Variants in FRY observed in about 807,000 individuals in gnomAD.
FRY encodes FRY microtubule binding protein.
Under a neutral mutation model 348.4 loss-of-function variants are expected in FRY, and 128 were observed. That is an observed-to-expected ratio of 0.37 (90% confidence interval 0.32 to 0.43). The LOEUF is 0.43. FRY is among the 20% of genes least tolerant of loss of function. FRY has a pLI of 1.00. For synonymous variants in FRY, 1,370 were observed against 1,374.7 expected (o/e 1.00, Z 0.08); for missense variants, 2,736 against 3,695.2 (o/e 0.74, Z 6.73).
At chr13:32,097,319 TA>T (rs1876803058) in intron 2 of FRY, among the ~76,000 whole-genome samples, 1 of 151,756 alleles carries the variant, frequency 6.6e-6, no homozygotes, top group African/African-American at 2.4e-5. Context: ...CTAGTATGTA[TA>T]AAAGAAGTAT....
At chr13:32,219,925 G>A (rs903070339) in intron 36 of FRY, among the ~76,000 whole-genome samples, 2 of 152,154 alleles carry the variant, frequency 1.3e-5, no homozygotes, top group African/African-American at 4.8e-5. Flanking sequence ...ATTTCTTCTG[G>A]TAGTTGGGAA....
At position 32,175,587 on chromosome 13, in the gene FRY, T is replaced by A; in HGVS notation, c.2376T>A (p.Ser792Arg). Residue 792 changes from serine (S) to arginine (R), a missense_variant, in exon 20 of 61, where the codon AGT becomes AGA. By Grantham distance (110) the Ser-to-Arg change is moderately radical (BLOSUM62 -1). Coordinates refer to ENST00000542859, the MANE Select transcript of FRY (RefSeq NM_023037.3). The part of the protein sequence containing the change: ...RPMIDVMDQL[S>R]SSILESFIHV... ...TGATTGATGTCATGGATCAGCTAAG[T>A]TCTTCCATTCTAGAAAGTTTTATTC... 1 of 1,612,258 alleles carries A rather than the reference T, an allele frequency of 6.2e-7. No homozygotes were observed. Among genetic ancestry groups the A allele is most frequent in the Non-Finnish European group, 8.5e-7 (1 of 1,178,262 alleles).
chr13:32,228,717 T>C (rs1885747652), intron 40 of FRY, 63 bp downstream of exon 40: 11 of 1,339,792 alleles, frequency 8.2e-6, no homozygotes, highest in Non-Finnish European at 1.2e-5. Flanking sequence ...TTGCCAACGC[T>C]TTAAACCACA....
At chr13:32,240,751 C>A (rs959933798) in intron 46 of FRY, among the ~76,000 whole-genome samples, 1 of 152,176 alleles carries the variant, frequency 6.6e-6, no homozygotes, top group Non-Finnish European at 1.5e-5. Context: ...CTTTGTGATA[C>A]GCATTCATAG....
At chr13:32,189,017 C>G (rs1883186164) in intron 28 of FRY, among the ~76,000 whole-genome samples, 1 of 152,058 alleles carries the variant, frequency 6.6e-6, no homozygotes, top group Admixed American at 6.5e-5. Context: ...GAATTTTTTC[C>G]TCACAAATTG....
intron 29 of FRY, among the ~76,000 whole-genome samples, chr13:32,199,031 G>T (rs1883852830): frequency 6.6e-6 from 1 of 152,188 alleles, no homozygotes; most frequent in Non-Finnish European, 1.5e-5. Context: ...TCAAAAGTTG[G>T]ATTTCCCAGG....
At chr13:32,083,613 C>A in intron 2 of FRY, among the ~76,000 whole-genome samples, 1 of 152,124 alleles carries the variant, frequency 6.6e-6, no homozygotes, top group Non-Finnish European at 1.5e-5. Flanking sequence ...AGAGTTATTG[C>A]TGTCCGGGGC....
chr13:32,237,239 A>T lies in FRY; in HGVS notation c.5811-140A>T. 1.2e-6 allele frequency: 1 copy of T among 865,418 alleles called. No homozygotes were observed. The highest frequency in any genetic ancestry group is 1.8e-6 in the Non-Finnish European group (1 of 553,288). The allele number at this position is 865,418 out of a possible 1,614,324, so 53.6% of individuals were successfully genotyped here. On this transcript the variant is annotated intron_variant, in intron 43 of 60. Transcript: ENST00000542859. The surrounding 1 kb of genome is among the most constrained non-coding windows in gnomAD (Gnocchi z 6.3). ...TGTTTTGTTTTTTATAGCTTTAAAG[A>T]TAAGGAAAAATAAATGAATAGAAAG...
chr13:32,264,639 C>A (rs555072060), intron 53 of FRY, among the ~76,000 whole-genome samples: 1 of 152,300 alleles, frequency 6.6e-6, no homozygotes, highest in Admixed American at 6.5e-5. Flanking sequence ...GCCTCTTTTT[C>A]CATTTTACTT....
chr13:32,291,251 C>T (rs775407741), intron 59 of FRY, among the ~76,000 whole-genome samples: 6 of 152,254 alleles, frequency 3.9e-5, no homozygotes, highest in Non-Finnish European at 8.8e-5. Flanking sequence ...AAAAACTATA[C>T]GACTTTATAC....
intron 4 of FRY, among the ~76,000 whole-genome samples, chr13:32,122,458 A>C (rs1033869068): frequency 6.6e-6 from 1 of 151,990 alleles, no homozygotes; most frequent in Non-Finnish European, 1.5e-5. Context: ...AAAAAAAGAA[A>C]AAAAAAAGCA....
intron 11 of FRY, 121 bp downstream of exon 11, chr13:32,137,093 G>A (rs1271039283): frequency 4.3e-6 from 3 of 694,262 alleles, no homozygotes; most frequent in South Asian, 3.1e-5. Flanking sequence ...TATACTGGTG[G>A]AATAATGAAA....
chr13:32,134,630 C>T (rs1305081220), intron 8 of FRY, among the ~76,000 whole-genome samples: 5 of 152,226 alleles, frequency 3.3e-5, no homozygotes, highest in East Asian at 1.9e-4. Context: ...AGTGGATACA[C>T]GTGTGCTTGC....
chr13:32,271,482 G>A (rs1277730897), intron 55 of FRY, among the ~76,000 whole-genome samples: 1 of 152,140 alleles, frequency 6.6e-6, no homozygotes, highest in Non-Finnish European at 1.5e-5. Context: ...TGTTCTTTGT[G>A]GCCCTGGCCC....
At position 32,276,573 on chromosome 13, in the gene FRY, G is replaced by A. The variant is rs377320877; in HGVS notation, c.8385+11G>A. On this transcript the variant is annotated intron_variant, in intron 57 of 60. Transcript: ENST00000542859. ...GAGGCCACACTCTCTGTAAGCTTTT[G>A]TGTTTCTATGCATATGCAGTCAGTT... 20 of 1,383,940 alleles carry A rather than the reference G, an allele frequency of 1.4e-5. No homozygotes were observed. Among genetic ancestry groups the A allele is most frequent in the Non-Finnish European group, 1.9e-5 (18 of 969,944 alleles). 85.7% of individuals were successfully genotyped at this position (1,383,940 alleles called of 1,614,324 possible).
At chr13:32,243,754 A>T (rs1886631196) in intron 46 of FRY, among the ~76,000 whole-genome samples, 1 of 152,136 alleles carries the variant, frequency 6.6e-6, no homozygotes, top group Non-Finnish European at 1.5e-5. Context: ...TTTTGATAAT[A>T]TCTTCAGTTC....
chr13:32,249,433 AAATAAGCAGCTCTTGGTTGCTTCTGGG>A, intron 48 of FRY, 66 bp from the exon 49 acceptor site: 1 of 1,341,266 alleles, frequency 7.5e-7, no homozygotes, highest in Non-Finnish European at 1.0e-6. Flanking sequence ...ATTTTTAATC[AAATAAGCAGCTCTTGGTTGCTTCTGGG>A]GAGAAGGGTT....
Position 32,295,718 on chromosome 13 carries a change from A to G in FRY, c.*258A>G. On this transcript the variant is annotated 3_prime_UTR_variant, in exon 61 of 61. Coordinates refer to ENST00000542859, the MANE Select transcript of FRY (RefSeq NM_023037.3). ...AAATGTGTTACATTTGACCGAGCAT[A>G]TGCAACTCGCTACTGAAGAAGTGAC... The G allele has an allele frequency of 1.8e-6, 1 of 561,028 alleles. No homozygotes were observed. Among genetic ancestry groups the G allele is most frequent in the Non-Finnish European group, 3.2e-6 (1 of 312,568 alleles). 34.8% of individuals were successfully genotyped at this position (561,028 alleles called of 1,614,324 possible). A position where few individuals can be genotyped will look rare whatever the true frequency, so the allele number is the denominator to read the frequency against.
chr13:32,268,499 AAAAAAAATATATATAT>A (rs1430966689), intron 55 of FRY, among the ~76,000 whole-genome samples: 3 of 16,006 alleles, frequency 1.9e-4, no homozygotes, highest in Admixed American at 2.3e-3. Context: ...AAAAAAAAAA[AAAAAAAATATATATAT>A]ATATATATAT....
Sources: gnomAD v4.1 joint callset for allele counts (sites outside exome capture counted in the v4.1 genomes callset) on GRCh38, gnomAD v4.1.1 for gene constraint, Gnocchi (gnomAD v3.1) non-coding constraint, MANE v1.5 for transcripts, NCBI Gene and HGNC (gene_info 2026-07-23, HGNC 2026-07-21) for gene names.